VPS53: variants seen among roughly 807,000 people sequenced by gnomAD.
The protein encoded by VPS53 is VPS53 subunit of GARP complex.
A neutral mutation model predicts 107.0 loss-of-function variants in VPS53; 70 were observed. The observed-to-expected ratio is 0.65, with a 90% CI of 0.54 to 0.80. VPS53 has a LOEUF of 0.80. Ranked by LOEUF, VPS53 falls within the 30% of genes least tolerant of loss-of-function variation. The pLI is 0.00. For synonymous variants in VPS53, 409 were observed against 393.3 expected, an observed-to-expected ratio of 1.04 and a Z score of -0.47; for missense variants, 917 against 1,049.4, an observed-to-expected ratio of 0.87 and a Z score of 1.74.
At chr17:662,834 A>AAGGAAGGAAGG (rs1567720030) in intron 4 of VPS53, among the ~76,000 whole-genome samples, 4 of 121,060 alleles carry the variant, frequency 3.3e-5, no homozygotes, top group African/African-American at 1.2e-4. Flanking sequence ...AAAGAGAAAG[A>AAGGAAGGAAGG]AAGGAAGGAA....
intron 2 of VPS53, among the ~76,000 whole-genome samples, chr17:700,263 C>T (rs1439933833): frequency 6.6e-6 from 1 of 152,098 alleles, no homozygotes; most frequent in Non-Finnish European, 1.5e-5. Flanking sequence ...TCTTCTTGGG[C>T]CGGGTGCAGT....
chr17:561,676 C>T (rs1913010412), intron 14 of VPS53, among the ~76,000 whole-genome samples: 2 of 152,192 alleles, frequency 1.3e-5, no homozygotes, highest in African/African-American at 2.4e-5. Context: ...AATGCCCAGG[C>T]TGGAGTGCAA....
chr17:625,074 C>A (rs1260574281), intron 10 of VPS53, among the ~76,000 whole-genome samples: 3 of 151,410 alleles, frequency 2.0e-5, no homozygotes, highest in African/African-American at 7.3e-5. Flanking sequence ...CTACTGCAAC[C>A]TTGACCTGGG....
chr17:572,191 C>G (rs1347953095), intron 13 of VPS53, among the ~76,000 whole-genome samples: 45 of 150,240 alleles, frequency 3.0e-4, no homozygotes, highest in Admixed American at 1.3e-3. Flanking sequence ...GCCTTTGCCC[C>G]GCCGCCCCGT....
intron 19 of VPS53, among the ~76,000 whole-genome samples, chr17:526,851 A>G (rs1480566227): frequency 6.6e-6 from 1 of 152,218 alleles, no homozygotes; most frequent in East Asian, 1.9e-4. Context: ...GACTATCAAC[A>G]GTGATGAAAA....
chr17:570,076 A>G (rs1913896075), intron 13 of VPS53, among the ~76,000 whole-genome samples: 1 of 152,114 alleles, frequency 6.6e-6, no homozygotes, highest in Admixed American at 6.6e-5. Flanking sequence ...AATAAAAACG[A>G]ACATCATAGG....
chr17:647,794 G>C (rs149211205), intron 7 of VPS53, among the ~76,000 whole-genome samples: 265 of 152,274 alleles, frequency 1.7e-3, no homozygotes, highest in African/African-American at 6.1e-3. Flanking sequence ...ATAATAAAAA[G>C]ATTTTCATGA....
At chr17:655,788 T>C (rs1055560164) in intron 6 of VPS53, 50 bp downstream of exon 6, 1 of 1,523,746 alleles carries the variant, frequency 6.6e-7, no homozygotes, top group Non-Finnish European at 9.0e-7. Flanking sequence ...CCATTTTCTC[T>C]ATGCGATACA....
Position 519,712 on chromosome 17 carries a change from C to G in VPS53, c.2328+114G>C. 1 of 809,564 alleles carries G rather than the reference C, an allele frequency of 1.2e-6. No homozygotes were observed. The highest frequency in any genetic ancestry group is 1.7e-5 in the South Asian group (1 of 59,478). The allele number at this position is 809,564 out of a possible 1,614,324, so 50.1% of individuals were successfully genotyped here. On this transcript the variant is annotated intron_variant, in intron 21 of 21. Coordinates refer to ENST00000437048, the MANE Select transcript of VPS53 (RefSeq NM_001128159.3). The surrounding 1 kb of genome is among the most constrained non-coding windows in gnomAD (Gnocchi z 5.0). ...TCTGAATCCGGTTTGCTCTGTGGAG[C>G]CAGGCACATGCATTTTGAGAAAGCC...
intron 19 of VPS53, among the ~76,000 whole-genome samples, chr17:530,694 CT>C (rs1236037150): frequency 6.6e-6 from 1 of 152,126 alleles, no homozygotes. Context: ...GAAAGAAAAG[CT>C]TTCATAGGTG....
At chr17:636,878 C>CT (rs1343862984) in intron 7 of VPS53, among the ~76,000 whole-genome samples, 1 of 152,108 alleles carries the variant, frequency 6.6e-6, no homozygotes, top group African/African-American at 2.4e-5. Flanking sequence ...CTAAAATTCT[C>CT]TTTTTTTGTT....
intron 13 of VPS53, among the ~76,000 whole-genome samples, chr17:584,401 G>A (rs1567649765): frequency 1.3e-5 from 2 of 152,230 alleles, no homozygotes. Flanking sequence ...TCGGCTGTTA[G>A]TTTGGAAGTC....
rs1284927376 is a variant in VPS53, at chr17:509,775, A to T, written c.*9353T>A. ...TTGAATCCTGGCTCACCCCCTTACT[A>T]GTCACATATCAAATCCTGGCTCGCC... On this transcript the variant is annotated 3_prime_UTR_variant, in exon 22 of 22. Coordinates refer to ENST00000437048, the MANE Select transcript of VPS53 (RefSeq NM_001128159.3). 1.2e-5 allele frequency: 2 copies of T among 168,568 alleles called. No homozygotes were observed. Among genetic ancestry groups the T allele is most frequent in the Non-Finnish European group, 2.5e-5 (2 of 79,826 alleles). The allele number at this position is 168,568 out of a possible 1,614,324, so 10.4% of individuals were successfully genotyped here.
chr17:632,572 G>A (rs189698447), intron 7 of VPS53, among the ~76,000 whole-genome samples: 10 of 151,796 alleles, frequency 6.6e-5, no homozygotes. Flanking sequence ...ATTATTAACC[G>A]TAGTCACCCT....
chr17:648,453 A>C (rs1002847542), intron 7 of VPS53, among the ~76,000 whole-genome samples: 1 of 152,180 alleles, frequency 6.6e-6, no homozygotes, highest in Admixed American at 6.5e-5. Context: ...TGGGAGGCTG[A>C]GGCAGGAGAA....
At chr17:539,923 CGTCTATCTAAAGCCCAAACCAG>C (rs1207501045) in intron 17 of VPS53, among the ~76,000 whole-genome samples, 2 of 152,066 alleles carry the variant, frequency 1.3e-5, no homozygotes, top group Non-Finnish European at 2.9e-5. Flanking sequence ...GGGACAACCA[CGTCTATCTAAAGCCCAAACCAG>C]GTCTATCTAA....
chr17:532,890 G>A lies in VPS53; in HGVS notation c.2037C>T (p.Ile679=). 1.2e-6 allele frequency: 2 copies of A among 1,613,988 alleles called. No homozygotes were observed. The highest frequency in any genetic ancestry group is 1.3e-5 in the African/African-American group (1 of 75,068). The change falls in exon 19 of 22, where the codon ATC becomes ATT. Residue 679 remains isoleucine (I), a synonymous_variant. Transcript: ENST00000437048. ...KFANSFIPKF[I]THLFKCKPIS... ...TTGGCTTGCACTTGAAGAGGTGGGT[G>A]ATGAATTTGGGAATGAAGGAGCTGT...
chr17:536,245 A>G (rs966019877), intron 18 of VPS53, among the ~76,000 whole-genome samples: 1 of 152,076 alleles, frequency 6.6e-6, no homozygotes, highest in African/African-American at 2.4e-5. Flanking sequence ...TGTGCATCCC[A>G]ATTTCTAGTG....
At chr17:635,477 T>C (rs1030786123) in intron 7 of VPS53, among the ~76,000 whole-genome samples, 2 of 152,230 alleles carry the variant, frequency 1.3e-5, no homozygotes, top group African/African-American at 4.8e-5. Flanking sequence ...TGCCCATGCC[T>C]ATGTCCTGAA....
Sources: gnomAD v4.1 joint callset for allele counts (sites outside exome capture counted in the v4.1 genomes callset) on GRCh38, gnomAD v4.1.1 for gene constraint, Gnocchi (gnomAD v3.1) non-coding constraint, MANE v1.5 for transcripts, NCBI Gene and HGNC (gene_info 2026-07-23, HGNC 2026-07-21) for gene names.